Variants in CHRDL1 observed in about 807,000 individuals in gnomAD.
CHRDL1 encodes chordin like 1, also known as chordin-like protein 1.
In CHRDL1, 19 loss-of-function variants were observed where a neutral mutation model predicts 40.9. The ratio of observed to expected loss-of-function variants is 0.46; its 90% CI spans 0.32 to 0.68. The LOEUF is 0.68. Among genes scored for constraint, CHRDL1 ranks in the 30% least tolerant of loss-of-function variants. The pLI, the probability that CHRDL1 is intolerant of heterozygous loss-of-function variation, is 0.03. For missense variants in CHRDL1, 329 were observed against 352.1 expected (o/e 0.93, Z 0.53); for synonymous variants, 136 against 123.4 (o/e 1.10, Z -0.68).
intron 2 of CHRDL1, among the ~76,000 whole-genome samples, chrX:110,770,771 T>A (rs779037061): frequency 6.2e-5 from 7 of 112,165 alleles, no homozygotes; most frequent in South Asian, 3.7e-4. Flanking sequence ...TTTAACAACA[T>A]AGAATGATTA....
chrX:110,780,809 T>G (rs1224774893), intron 2 of CHRDL1, among the ~76,000 whole-genome samples: 1 of 111,415 alleles, frequency 9.0e-6, no homozygotes, highest in East Asian at 2.8e-4. Flanking sequence ...TTCTTTTTCT[T>G]ATCGGCAAGG....
chrX:110,700,188 C>T (rs959636025), intron 7 of CHRDL1, among the ~76,000 whole-genome samples: 1 of 111,667 alleles, frequency 9.0e-6, no homozygotes, highest in African/African-American at 3.3e-5. Flanking sequence ...GAGGAGAATC[C>T]AGACTGCTAC....
chrX:110,786,030 C>CT lies in CHRDL1; in HGVS notation c.94+6057dup, dbSNP rs778932208. Among the ~76,000 whole-genome samples the CT allele has an allele frequency of 2.1e-4, 23 of 111,954 alleles. No individual in the cohort carries two copies. The East Asian group carries it at 6.2e-3, about 30-fold the overall frequency. On this transcript the variant is annotated intron_variant, in intron 2 of 11. Coordinates refer to ENST00000372042, the MANE Select transcript of CHRDL1 (RefSeq NM_001143981.2). ...ATCAGTAAAGAAATGCCAGACAATTCTTTTTTCTATGAAACCAAGGTTACC... is the reference window on the plus strand; with the variant it reads ...ATCAGTAAAGAAATGCCAGACAATTCTTTTTTTCTATGAAACCAAGGTTACC...
chrX:110,694,104 A>G (rs1179351514), intron 8 of CHRDL1, 59 bp downstream of exon 8: 3 of 975,832 alleles, frequency 3.1e-6, no homozygotes, highest in African/African-American at 1.9e-5. Flanking sequence ...CCAGCCCTGC[A>G]AAGACCAGGG....
intron 4 of CHRDL1, among the ~76,000 whole-genome samples, chrX:110,726,607 C>T (rs996809124): frequency 8.9e-6 from 1 of 112,131 alleles, no homozygotes; most frequent in African/African-American, 3.2e-5. Context: ...CTTAGGAAGG[C>T]TTGAGTATGC....
At chrX:110,745,399 G>A (rs948582417) in intron 4 of CHRDL1, among the ~76,000 whole-genome samples, 8 of 111,681 alleles carry the variant, frequency 7.2e-5, no homozygotes, top group Admixed American at 6.6e-4. Flanking sequence ...GGATGTACAA[G>A]GTCCTTTGAG....
At chrX:110,752,043 T>C (rs2089368831) in intron 4 of CHRDL1, among the ~76,000 whole-genome samples, 1 of 112,078 alleles carries the variant, frequency 8.9e-6, no homozygotes, top group African/African-American at 3.2e-5. Flanking sequence ...CACCGTGTGT[T>C]CTCACTCATA....
intron 2 of CHRDL1, among the ~76,000 whole-genome samples, chrX:110,787,639 G>A (rs996875239): frequency 8.9e-6 from 1 of 112,021 alleles, no homozygotes; most frequent in Non-Finnish European, 1.9e-5. Flanking sequence ...AACTTTCTAA[G>A]TATCTTCTTC....
rs374690486 is a variant in CHRDL1, at chrX:110,690,039, C to A, written c.779-1236G>T. Among the ~76,000 whole-genome samples, 8 of 52,485 alleles carry A rather than the reference C, an allele frequency of 1.5e-4. No individual in the cohort carries two copies. The East Asian group carries it at 2.7e-3, about 18-fold the overall frequency. The allele number at this position is 52,485 out of a possible 115,157, so 45.6% of individuals were successfully genotyped here. On this transcript the variant is annotated intron_variant, in intron 8 of 11. Transcript: ENST00000372042. ...TATATATCTGTATATCTATATATAT[C>A]TATATATATATATATTTTTTTTTTG...
At chrX:110,777,997 T>C (rs941638037) in intron 2 of CHRDL1, among the ~76,000 whole-genome samples, 2 of 110,965 alleles carry the variant, frequency 1.8e-5, no homozygotes, top group African/African-American at 6.5e-5. Flanking sequence ...AAACAAGCAA[T>C]GGAGAAAGGA....
At chrX:110,743,179 A>G (rs933234627) in intron 4 of CHRDL1, among the ~76,000 whole-genome samples, 1 of 112,938 alleles carries the variant, frequency 8.9e-6, no homozygotes, top group Non-Finnish European at 1.9e-5. Context: ...CATTGCAAAA[A>G]GTTCTATTGG....
intron 4 of CHRDL1, among the ~76,000 whole-genome samples, chrX:110,739,057 T>C (rs1464452897): frequency 8.9e-6 from 1 of 111,859 alleles, no homozygotes; most frequent in Non-Finnish European, 1.9e-5. Context: ...CCAGAGGCCA[T>C]GTGAATTATG....
chrX:110,694,231 A>G lies in CHRDL1; in HGVS notation c.710T>C (p.Met237Thr), dbSNP rs766035500. The change falls in exon 8 of 12, where the codon ATG becomes ACG. Residue 237 changes from methionine to threonine, a missense_variant. By Grantham distance (81) the Met-to-Thr change is moderately conservative (BLOSUM62 -1). Transcript: ENST00000372042. ...GGTTCCTGATGCTTGCTGGGAATCC[A>G]TAAGAGCTCCCCGGTGACTTCTGGC... ...PGARSHRGALMDSQQASGTIV... is the reference protein window; with the variant it reads ...PGARSHRGALTDSQQASGTIV... The G allele has an allele frequency of 9.1e-6, 11 of 1,207,637 alleles. No individual in the cohort carries two copies. The highest frequency in any genetic ancestry group is 5.9e-5 in the East Asian group (2 of 33,773).
At chrX:110,706,262 A>T (rs1168239181) in intron 6 of CHRDL1, among the ~76,000 whole-genome samples, 1 of 112,250 alleles carries the variant, frequency 8.9e-6, no homozygotes, top group African/African-American at 3.2e-5. Flanking sequence ...ACAAAACAAA[A>T]CAAAAAACAG....
intron 2 of CHRDL1, among the ~76,000 whole-genome samples, chrX:110,777,640 T>C (rs1198203588): frequency 8.9e-6 from 1 of 111,811 alleles, no homozygotes; most frequent in Non-Finnish European, 1.9e-5. Context: ...TTATTTGCCA[T>C]CTGTATACAT....
chrX:110,786,781 C>A (rs2090023524), intron 2 of CHRDL1, among the ~76,000 whole-genome samples: 2 of 112,252 alleles, frequency 1.8e-5, no homozygotes, highest in African/African-American at 6.5e-5. Context: ...AATGTAGGTT[C>A]CTGAAAAATT....
intron 2 of CHRDL1, among the ~76,000 whole-genome samples, chrX:110,771,415 T>C (rs1038516653): frequency 8.0e-5 from 9 of 111,860 alleles, no homozygotes; most frequent in African/African-American, 2.3e-4. Flanking sequence ...CTTAAGAACA[T>C]AGATGCAAAA....
At chrX:110,695,098 T>C (rs1320497488) in intron 7 of CHRDL1, among the ~76,000 whole-genome samples, 1 of 110,643 alleles carries the variant, frequency 9.0e-6, no homozygotes, top group African/African-American at 3.3e-5. Flanking sequence ...TGATCATGCA[T>C]AGGGTGAACT....
rs202108594 is a variant in CHRDL1, at chrX:110,714,800, T to C, written c.541+5035A>G. ...TGCAAGTTCAGCAGTCAAAAGATTATTTCTTCTTCAGTATTTGGCCTGCAG... is the reference window on the plus strand; with the variant it reads ...TGCAAGTTCAGCAGTCAAAAGATTACTTCTTCTTCAGTATTTGGCCTGCAG... On this transcript the variant is annotated intron_variant, in intron 6 of 11. Transcript: ENST00000372042. Among the ~76,000 whole-genome samples the C allele has an allele frequency of 2.2e-4, 25 of 112,016 alleles. No homozygotes were observed. In the East Asian group the frequency reaches 2.2e-3, roughly 10 times the overall value.
Sources: allele counts gnomAD v4.1 joint callset (sites outside exome capture counted in the v4.1 genomes callset), GRCh38; gene constraint gnomAD v4.1.1; transcripts MANE v1.5; gene names NCBI Gene and HGNC (gene_info 2026-07-23, HGNC 2026-07-21).